Variants in DAB2IP observed in about 807,000 individuals in gnomAD.
The protein encoded by DAB2IP is DAB2 interacting protein.
In DAB2IP, 28 loss-of-function variants were observed where a neutral mutation model predicts 107.2. That is an observed-to-expected ratio of 0.26 (90% CI 0.19 to 0.36). The LOEUF is 0.36. Ranked by LOEUF, DAB2IP falls within the 10% of genes least tolerant of loss-of-function variation. The probability of loss-of-function intolerance (pLI) is 1.00; values close to 1 mark genes in which losing one functional copy is unlikely to be tolerated. For synonymous variants in DAB2IP, 755 were observed against 706.4 expected (o/e 1.07, Z -1.09); for missense variants, 1,400 against 1,644.7 (o/e 0.85, Z 2.57).
intron 1 of DAB2IP, among the ~76,000 whole-genome samples, chr9:121,644,281 G>A (rs1206602903): frequency 6.6e-6 from 1 of 151,486 alleles, no homozygotes; most frequent in Admixed American, 6.6e-5. Context: ...GAAGGAAAGA[G>A]AAAGAAGGAA....
At chr9:121,779,729 C>T (rs1835457305) in intron 14 of DAB2IP, among the ~76,000 whole-genome samples, 1 of 152,218 alleles carries the variant, frequency 6.6e-6, no homozygotes. Flanking sequence ...GTTTCGTGTT[C>T]TCCTTTCTGA....
intron 3 of DAB2IP, among the ~76,000 whole-genome samples, chr9:121,738,033 A>G (rs552364288): frequency 2.6e-5 from 4 of 151,380 alleles, no homozygotes; most frequent in Admixed American, 1.3e-4. Flanking sequence ...GGAGCTTCCA[A>G]CCTGGAGGTG....
chr9:121,737,966 T>G (rs1208182266), intron 3 of DAB2IP, among the ~76,000 whole-genome samples: 1 of 146,038 alleles, frequency 6.8e-6, no homozygotes, highest in Admixed American at 6.9e-5. Flanking sequence ...AGAGTGAAGG[T>G]GGGGGCTGGG....
chr9:121,768,691 T>TC (rs1345285473), intron 10 of DAB2IP, 58 bp downstream of exon 10: 5 of 1,599,064 alleles, frequency 3.1e-6, no homozygotes, highest in Non-Finnish European at 4.3e-6. Context: ...CTTTTAGTGT[T>TC]CCCCCTTCCA....
chr9:121,760,173 G>A lies in DAB2IP; in HGVS notation c.904G>A (p.Ala302Thr), dbSNP rs774683969. 4.3e-6 allele frequency: 7 copies of A among 1,613,610 alleles called. No homozygotes were observed. In the South Asian group the frequency reaches 6.6e-5, roughly 15 times the overall value. ...GGTGAGCCTACCTGCTGCCTCGGTG[G>A]CCGGGCGGCAGTTCGTGGAGAAGTG... The change falls in exon 6 of 16, where the codon GCC becomes ACC. Residue 302 changes from alanine (A) to threonine (T), a missense_variant. By Grantham distance (58) the Ala-to-Thr change is moderately conservative. Transcript: ENST00000408936. The surrounding 1 kb of genome is among the most constrained non-coding windows in gnomAD (Gnocchi z 5.9).
intron 2 of DAB2IP, among the ~76,000 whole-genome samples, chr9:121,690,982 C>A (rs761671945): frequency 9.2e-5 from 14 of 152,212 alleles, no homozygotes; most frequent in Admixed American, 6.5e-5. Context: ...CCCAGCCAAT[C>A]TCAGCAAGCC....
intron 3 of DAB2IP, among the ~76,000 whole-genome samples, chr9:121,707,764 A>G (rs1830132550): frequency 6.6e-6 from 1 of 152,206 alleles, no homozygotes; most frequent in African/African-American, 2.4e-5. Flanking sequence ...AGAACGTTGT[A>G]TTGCAGCTGC....
exon 7 of DAB2IP, chr9:121,763,643 G>C (rs1026234898): frequency 6.2e-7 from 1 of 1,612,950 alleles, no homozygotes. Flanking sequence ...CCTGCAGGAC[G>C]CCCTAGGTAG....
chr9:121,621,859 TGGCCA>T (rs1831479447), intron 1 of DAB2IP, among the ~76,000 whole-genome samples: 1 of 151,620 alleles, frequency 6.6e-6, no homozygotes, highest in Non-Finnish European at 1.5e-5. Flanking sequence ...TTCACCATAT[TGGCCA>T]GGCTGGTCTC....
intron 12 of DAB2IP, 50 bp from the exon 13 acceptor site, chr9:121,774,201 CGCCCCTCCT>C: frequency 6.7e-7 from 1 of 1,489,204 alleles, no homozygotes; most frequent in Non-Finnish European, 8.9e-7. Flanking sequence ...GGGCCACTCC[CGCCCCTCCT>C]GCTTGCCCTC....
intron 1 of DAB2IP, among the ~76,000 whole-genome samples, chr9:121,672,407 C>T (rs1327332774): frequency 2.0e-5 from 3 of 152,186 alleles, no homozygotes; most frequent in African/African-American, 4.8e-5. Context: ...CTCAGGCCGC[C>T]GTGTTTCCAT....
At chr9:121,741,954 G>A (rs114289710) in intron 3 of DAB2IP, among the ~76,000 whole-genome samples, 107 of 152,094 alleles carry the variant, frequency 7.0e-4, no homozygotes, top group Non-Finnish European at 6.3e-4. Flanking sequence ...GGCAGAGTCC[G>A]GGTTTGAACA....
At chr9:121,737,261 T>A (rs1831996819) in intron 3 of DAB2IP, 1 of 985,334 alleles carries the variant, frequency 1.0e-6, no homozygotes, top group African/African-American at 1.7e-5. Flanking sequence ...CAGGAGTGTT[T>A]CTCGTCTTCT....
intron 1 of DAB2IP, among the ~76,000 whole-genome samples, chr9:121,606,131 C>T (rs1026914661): frequency 6.6e-6 from 1 of 152,046 alleles, no homozygotes; most frequent in Non-Finnish European, 1.5e-5. Flanking sequence ...CACCTGAGGT[C>T]AGGAGTTCAA....
At chr9:121,577,543 T>C (rs2789884) in intron 1 of DAB2IP, among the ~76,000 whole-genome samples, 90,728 of 152,090 alleles carry the variant, frequency 0.6, 28,147 homozygotes, top group Non-Finnish European at 0.67. Context: ...CCCACACTCC[T>C]GCTCTGGGGT....
At chr9:121,738,550 C>G (rs1450389213) in intron 3 of DAB2IP, among the ~76,000 whole-genome samples, 1 of 152,158 alleles carries the variant, frequency 6.6e-6, no homozygotes, top group Non-Finnish European at 1.5e-5. Context: ...CTAGCCTCTT[C>G]AAGAAGCCTC....
intron 1 of DAB2IP, among the ~76,000 whole-genome samples, chr9:121,637,767 C>T (rs977923618): frequency 5.9e-5 from 9 of 152,206 alleles, no homozygotes; most frequent in Admixed American, 3.9e-4. Flanking sequence ...AGAGGCCGAG[C>T]GCTGCATGTG....
intron 1 of DAB2IP, among the ~76,000 whole-genome samples, chr9:121,586,392 C>G (rs1288485668): frequency 3.3e-5 from 5 of 152,126 alleles, no homozygotes; most frequent in Non-Finnish European, 7.4e-5. Flanking sequence ...AGAAATCATC[C>G]TTTGTGGTCT....
intron 1 of DAB2IP, among the ~76,000 whole-genome samples, chr9:121,668,907 CT>C (rs377320590): frequency 0.14 from 10,084 of 71,858 alleles, 214 homozygotes; most frequent in East Asian, 0.33. Flanking sequence ...GTAAGCCTTA[CT>C]TTTTTTTTTT....
Sources: allele counts gnomAD v4.1 joint callset (sites outside exome capture counted in the v4.1 genomes callset), GRCh38; gene constraint gnomAD v4.1.1; non-coding constraint Gnocchi (gnomAD v3.1); transcripts MANE v1.5; gene names NCBI Gene and HGNC (gene_info 2026-07-23, HGNC 2026-07-21).